Variants in PSD3 observed in about 807,000 individuals in gnomAD.
The protein encoded by PSD3 is PH and SEC7 domain-containing protein 3.
In PSD3, 49 loss-of-function variants were observed where a neutral mutation model predicts 105.5. The ratio of observed to expected loss-of-function variants is 0.46; its 90% CI spans 0.37 to 0.59. PSD3 has a LOEUF of 0.59. PSD3 is among the 20% of genes least tolerant of loss of function. The probability of loss-of-function intolerance (pLI) is 0.00; values close to 1 mark genes in which losing one functional copy is unlikely to be tolerated. For synonymous variants in PSD3, 557 were observed against 457.8 expected, an observed-to-expected ratio of 1.22 and a Z score of -2.77; for missense variants, 1,561 against 1,263.8, an observed-to-expected ratio of 1.24 and a Z score of -3.57.
intron 2 of PSD3, 24 bp from the exon 3 acceptor site, chr8:18,872,757 T>C (rs765103672): frequency 2.0e-6 from 3 of 1,518,204 alleles, no homozygotes; most frequent in Admixed American, 4.4e-5. Flanking sequence ...ACAATGGACA[T>C]ATGACTTGTT....
chr8:18,866,964 G>A (rs572082932), intron 4 of PSD3, among the ~76,000 whole-genome samples: 61 of 152,052 alleles, frequency 4.0e-4, no homozygotes, highest in Non-Finnish European at 7.1e-4. Context: ...ATAACCTGAG[G>A]ATGACGAGCA....
chr8:18,536,900 T>C (rs563255953), intron 15 of PSD3, among the ~76,000 whole-genome samples: 5 of 152,330 alleles, frequency 3.3e-5, no homozygotes, highest in African/African-American at 9.6e-5. Flanking sequence ...GAAGAATTTA[T>C]AGAAAGCTTA....
intron 1 of PSD3, among the ~76,000 whole-genome samples, chr8:19,021,095 C>G (rs1827347689): frequency 6.6e-6 from 1 of 152,130 alleles, no homozygotes; most frequent in Non-Finnish European, 1.5e-5. Context: ...AGAGGAGAGC[C>G]TAATGCACTC....
chr8:18,577,555 G>A (rs1015105091), intron 12 of PSD3, among the ~76,000 whole-genome samples: 2 of 151,814 alleles, frequency 1.3e-5, no homozygotes, highest in African/African-American at 2.4e-5. Context: ...GTGCATTTAG[G>A]TTTATAACTA....
intron 1 of PSD3, among the ~76,000 whole-genome samples, chr8:19,020,697 C>T (rs945241949): frequency 1.3e-5 from 2 of 151,668 alleles, no homozygotes; most frequent in African/African-American, 4.8e-5. Context: ...AGGGTGGTGG[C>T]AAAGAAGGAG....
intron 4 of PSD3, among the ~76,000 whole-genome samples, chr8:18,834,249 G>A (rs1026501171): frequency 1.3e-5 from 2 of 152,154 alleles, no homozygotes; most frequent in Non-Finnish European, 2.9e-5. Context: ...CAGAAATCAT[G>A]ATTTAATTGA....
intron 14 of PSD3, among the ~76,000 whole-genome samples, chr8:18,568,226 C>T (rs933985366): frequency 6.6e-6 from 1 of 152,120 alleles, no homozygotes; most frequent in Non-Finnish European, 1.5e-5. Flanking sequence ...GCTAAGATAC[C>T]CAGTGACCTC....
At chr8:18,752,554 A>ATTACATAT (rs60557005) in intron 9 of PSD3, among the ~76,000 whole-genome samples, 35 of 19,678 alleles carry the variant, frequency 1.8e-3, no homozygotes, top group Middle Eastern at 0.026. Flanking sequence ...TATTATATAT[A>ATTACATAT]ATTATATATA....
At chr8:18,674,743 A>C (rs535857056) in intron 9 of PSD3, among the ~76,000 whole-genome samples, 23 of 152,270 alleles carry the variant, frequency 1.5e-4, no homozygotes, top group South Asian at 6.2e-4. Flanking sequence ...GTGGTGTCTC[A>C]TGTCTGTGAT....
chr8:18,897,562 G>A (rs1819232881), intron 2 of PSD3, among the ~76,000 whole-genome samples: 1 of 152,132 alleles, frequency 6.6e-6, no homozygotes, highest in Non-Finnish European at 1.5e-5. Flanking sequence ...CTTTGATAGG[G>A]AATGCACTGA....
chr8:18,711,762 G>C (rs766051137), intron 9 of PSD3, among the ~76,000 whole-genome samples: 1 of 152,138 alleles, frequency 6.6e-6, no homozygotes, highest in Non-Finnish European at 1.5e-5. Flanking sequence ...CCTGAAATCA[G>C]CTCTGGATCA....
At chr8:18,834,087 T>C (rs945483454) in intron 4 of PSD3, among the ~76,000 whole-genome samples, 5 of 152,178 alleles carry the variant, frequency 3.3e-5, no homozygotes, top group African/African-American at 9.6e-5. Flanking sequence ...GCTCCTGCAA[T>C]AAACATTGTA....
chr8:18,680,556 G>A (rs919578473), intron 9 of PSD3, among the ~76,000 whole-genome samples: 2 of 152,042 alleles, frequency 1.3e-5, no homozygotes, highest in Admixed American at 6.5e-5. Context: ...CGGTCTCCAC[G>A]AAACACATGT....
At chr8:18,734,966 G>C (rs906072321) in intron 9 of PSD3, among the ~76,000 whole-genome samples, 2 of 152,150 alleles carry the variant, frequency 1.3e-5, no homozygotes, top group Non-Finnish European at 2.9e-5. Context: ...GGAAAATCAA[G>C]TCCTCACATC....
chr8:18,598,646 A>G (rs1214383320), intron 12 of PSD3, among the ~76,000 whole-genome samples: 3 of 152,098 alleles, frequency 2.0e-5, no homozygotes, highest in Non-Finnish European at 4.4e-5. Context: ...ATGATCTTAT[A>G]TGTAGAAAAC....
chr8:18,771,052 T>C (rs1250054352), intron 8 of PSD3, among the ~76,000 whole-genome samples: 1 of 152,244 alleles, frequency 6.6e-6, no homozygotes, highest in Non-Finnish European at 1.5e-5. Context: ...GCTGTCAGAC[T>C]GTCCCTCTGA....
At chr8:18,773,848 T>G (rs935781595) in intron 8 of PSD3, among the ~76,000 whole-genome samples, 81 of 152,164 alleles carry the variant, frequency 5.3e-4, no homozygotes, top group Non-Finnish European at 1.3e-4. Flanking sequence ...GTTTGGAGAG[T>G]ACTTCAGTCT....
At chr8:19,049,110 C>T (rs189981946) in intron 1 of PSD3, among the ~76,000 whole-genome samples, 33 of 152,192 alleles carry the variant, frequency 2.2e-4, no homozygotes, top group Admixed American at 2.6e-4. Context: ...ACCTAATGAC[C>T]TCATTTTACC....
intron 3 of PSD3, among the ~76,000 whole-genome samples, chr8:18,871,215 A>G (rs781107590): frequency 6.6e-6 from 1 of 152,218 alleles, no homozygotes; most frequent in East Asian, 1.9e-4. Context: ...AGAAATGCCA[A>G]GGTTGGAAGT....
Sources: allele counts gnomAD v4.1 joint callset (sites outside exome capture counted in the v4.1 genomes callset), GRCh38; gene constraint gnomAD v4.1.1; transcripts MANE v1.5; gene names NCBI Gene and HGNC (gene_info 2026-07-23, HGNC 2026-07-21).